Variants in PELI2 observed in about 807,000 individuals in gnomAD.
PELI2 encodes pellino E3 ubiquitin protein ligase family member 2.
Under a neutral mutation model 42.3 loss-of-function variants are expected in PELI2, and 23 were observed. The ratio of observed to expected loss-of-function variants is 0.54; its 90% CI spans 0.39 to 0.77. The LOEUF is 0.77. PELI2 is among the 30% of genes least tolerant of loss of function. PELI2 has a pLI of 0.00. For synonymous variants in PELI2, 245 were observed against 212.2 expected (o/e 1.15, Z -1.34); for missense variants, 463 against 553.2 (o/e 0.84, Z 1.64).
intron 5 of PELI2, chr14:56,292,786 T>C (rs918864459): frequency 1.0e-6 from 1 of 975,378 alleles, no homozygotes; most frequent in Non-Finnish European, 1.2e-6. Context: ...AAATGTCTTT[T>C]CAGGCCTTTA....
intron 1 of PELI2, among the ~76,000 whole-genome samples, chr14:56,132,998 G>A (rs1021517788): frequency 7.2e-5 from 11 of 151,920 alleles, no homozygotes; most frequent in Non-Finnish European, 1.5e-4. Flanking sequence ...TAATTTAAAA[G>A]GCTGTATACT....
chr14:56,256,911 T>C (rs950725673), intron 2 of PELI2, among the ~76,000 whole-genome samples: 8 of 152,216 alleles, frequency 5.3e-5, no homozygotes, highest in African/African-American at 1.9e-4. Flanking sequence ...TACTGGAAGT[T>C]GCCAGCTGTC....
At chr14:56,233,871 A>T (rs1340333104) in intron 2 of PELI2, among the ~76,000 whole-genome samples, 1 of 152,228 alleles carries the variant, frequency 6.6e-6, no homozygotes, top group Non-Finnish European at 1.5e-5. Flanking sequence ...CAAAGGGCTA[A>T]TATCCAGAAT....
chr14:56,272,817 T>A (rs1052859756), intron 2 of PELI2, among the ~76,000 whole-genome samples: 1 of 152,234 alleles, frequency 6.6e-6, no homozygotes, highest in Non-Finnish European at 1.5e-5. Flanking sequence ...ACATAGACCC[T>A]GCTCTGTGTA....
At chr14:56,239,572 A>G (rs765735321) in intron 2 of PELI2, among the ~76,000 whole-genome samples, 1 of 152,134 alleles carries the variant, frequency 6.6e-6, no homozygotes, top group Non-Finnish European at 1.5e-5. Context: ...TCCTGTTTCT[A>G]TTCTCGTTTG....
At chr14:56,242,093 AG>A (rs1211251402) in intron 2 of PELI2, among the ~76,000 whole-genome samples, 1 of 152,200 alleles carries the variant, frequency 6.6e-6, no homozygotes, top group Non-Finnish European at 1.5e-5. Flanking sequence ...GCTGTGTGCG[AG>A]GGGTCCAGGG....
At chr14:56,256,849 ATGTAGGCTTCAGCG>A (rs1888542878) in intron 2 of PELI2, among the ~76,000 whole-genome samples, 1 of 152,164 alleles carries the variant, frequency 6.6e-6, no homozygotes, top group Non-Finnish European at 1.5e-5. Context: ...TTTAGAATGT[ATGTAGGCTTCAGCG>A]TGTAGGCTTC....
At chr14:56,144,694 T>G (rs976318074) in intron 1 of PELI2, among the ~76,000 whole-genome samples, 3 of 152,218 alleles carry the variant, frequency 2.0e-5, no homozygotes, top group African/African-American at 7.2e-5. Context: ...AAAGATGATG[T>G]ATAAAATTTT....
intron 2 of PELI2, among the ~76,000 whole-genome samples, chr14:56,228,400 CTA>C (rs1887437704): frequency 6.6e-6 from 1 of 152,096 alleles, no homozygotes; most frequent in Non-Finnish European, 1.5e-5. Context: ...GACTTCTGAT[CTA>C]TACTATATAT....
In PELI2 at chr14:56,288,892, T is replaced by C. The variant is rs1238606321; in HGVS notation, c.507+258T>C. ...TTTTTAAAGTATGCCTATAACATTG[T>C]CCATAATGTATTTACGGCAACGAAG... is the stretch of plus-strand genomic sequence containing the variant. On this transcript the variant is annotated intron_variant, in intron 4 of 5. Transcript: ENST00000267460. The surrounding 1 kb of genome is among the most constrained non-coding windows in gnomAD (Gnocchi z 4.6). Among the ~76,000 whole-genome samples, 1 of 152,202 alleles carries C rather than the reference T, an allele frequency of 6.6e-6. No homozygotes were observed. The highest frequency in any genetic ancestry group is 1.5e-5 in the Non-Finnish European group (1 of 68,046).
At chr14:56,175,982 T>A (rs192111810) in intron 1 of PELI2, among the ~76,000 whole-genome samples, 46 of 152,344 alleles carry the variant, frequency 3.0e-4, no homozygotes, top group African/African-American at 1.1e-3. Flanking sequence ...TGTGTTTACA[T>A]TTTACAGCTC....
intron 2 of PELI2, among the ~76,000 whole-genome samples, chr14:56,183,920 A>T (rs1486919929): frequency 1.3e-5 from 2 of 152,174 alleles, no homozygotes; most frequent in African/African-American, 4.8e-5. Context: ...AAATTCTAGA[A>T]AAACTTCTAG....
At chr14:56,171,909 G>A (rs567487404) in intron 1 of PELI2, among the ~76,000 whole-genome samples, 10 of 152,186 alleles carry the variant, frequency 6.6e-5, no homozygotes, top group African/African-American at 1.4e-4. Flanking sequence ...CCTGTTACTC[G>A]GGAGGCTGAG....
At chr14:56,135,099 G>T (rs1883638697) in intron 1 of PELI2, among the ~76,000 whole-genome samples, 1 of 152,112 alleles carries the variant, frequency 6.6e-6, no homozygotes, top group African/African-American at 2.4e-5. Flanking sequence ...TAAAGTTCTT[G>T]GTCTTAATGG....
chr14:56,227,301 C>G (rs545611392), intron 2 of PELI2, among the ~76,000 whole-genome samples: 44 of 152,276 alleles, frequency 2.9e-4, no homozygotes, highest in Non-Finnish European at 5.7e-4. Context: ...AGCTGCCCAA[C>G]TCAGGGTGTT....
chr14:56,166,049 C>G (rs1884949004), intron 1 of PELI2, among the ~76,000 whole-genome samples: 1 of 152,110 alleles, frequency 6.6e-6, no homozygotes, highest in African/African-American at 2.4e-5. Context: ...ACATGGTCTT[C>G]TCTTCCTTCT....
Position 56,140,906 on chromosome 14 carries a change from A to G in PELI2, c.77+22169A>G, listed in dbSNP as rs77882404. The stretch of plus-strand genomic sequence containing the variant: ...AATGGGAAAGATGCATGAAGCTGGC[A>G]GGTTTGCTGGCCTGGGCATGGGGTT... On this transcript the variant is annotated intron_variant, in intron 1 of 5. Transcript: ENST00000267460. Among the ~76,000 whole-genome samples the G allele has an allele frequency of 7.9e-5, 12 of 152,288 alleles. No individual in the cohort carries two copies. The East Asian group carries it at 2.3e-3, about 29-fold the overall frequency.
chr14:56,235,579 C>G (rs1566655937), intron 2 of PELI2, among the ~76,000 whole-genome samples: 1 of 152,220 alleles, frequency 6.6e-6, no homozygotes, highest in Non-Finnish European at 1.5e-5. Flanking sequence ...CTGTGGTCAC[C>G]TGTATGCAGG....
intron 2 of PELI2, among the ~76,000 whole-genome samples, chr14:56,241,944 A>G (rs1397247909): frequency 6.6e-6 from 1 of 152,186 alleles, no homozygotes; most frequent in Non-Finnish European, 1.5e-5. Context: ...AGCAAAATAA[A>G]GAGGAAGACA....
Sources: allele counts gnomAD v4.1 joint callset (sites outside exome capture counted in the v4.1 genomes callset), GRCh38; gene constraint gnomAD v4.1.1; non-coding constraint Gnocchi (gnomAD v3.1); transcripts MANE v1.5; gene names NCBI Gene and HGNC (gene_info 2026-07-23, HGNC 2026-07-21).